The following NEMP1 variants were observed in gnomAD, a reference collection of about 807,000 sequenced individuals.
NEMP1 encodes nuclear envelope integral membrane protein 1, also known as transmembrane protein 194.
In NEMP1, 29 loss-of-function variants were observed where a neutral mutation model predicts 53.7. That is an observed-to-expected ratio of 0.54 (90% confidence interval 0.40 to 0.74). NEMP1 has a LOEUF of 0.74. Ranked by LOEUF, NEMP1 falls within the 30% of genes least tolerant of loss-of-function variation. NEMP1 has a pLI of 0.00. For synonymous variants in NEMP1, 193 were observed against 192.9 expected, an observed-to-expected ratio of 1.00 and a Z score of 0.00; for missense variants, 477 against 528.6, an observed-to-expected ratio of 0.90 and a Z score of 0.96.
At chr12:57,065,985 T>G (rs2032054669) in intron 4 of NEMP1, among the ~76,000 whole-genome samples, 1 of 152,094 alleles carries the variant, frequency 6.6e-6, no homozygotes, top group South Asian at 2.1e-4. Context: ...CCGGGCATGG[T>G]GGCTCAAGCC....
At chr12:57,069,019 A>G (rs1445366765) in intron 4 of NEMP1, among the ~76,000 whole-genome samples, 1 of 152,160 alleles carries the variant, frequency 6.6e-6, no homozygotes, top group African/African-American at 2.4e-5. Context: ...TGATGGGCCA[A>G]CCTAATGTGG....
rs1397958103 is a variant in NEMP1 at position 57,058,552 on chromosome 12, A to G, written c.*1327T>C. On this transcript the variant is annotated 3_prime_UTR_variant, in exon 9 of 9. Coordinates refer to ENST00000300128, the MANE Select transcript of NEMP1 (RefSeq NM_001130963.2). ...GCTGGTTTATAAGGGGTACTTTGCAATGGCAAAAGAATCTGAAACTAATGC... is the reference window on the plus strand; with the variant it reads ...GCTGGTTTATAAGGGGTACTTTGCAGTGGCAAAAGAATCTGAAACTAATGC... 1 of 152,268 alleles carries G rather than the reference A, an allele frequency of 6.6e-6. No individual in the cohort carries two copies. Among genetic ancestry groups the G allele is most frequent in the African/African-American group, 2.4e-5 (1 of 41,476 alleles). 9.4% of individuals were successfully genotyped at this position (152,268 alleles called of 1,614,324 possible). A position where few individuals can be genotyped will look rare whatever the true frequency, so the allele number is the denominator to read the frequency against.
At chr12:57,063,025 A>G (rs1462619033) in intron 7 of NEMP1, 94 bp downstream of exon 7, 1 of 947,512 alleles carries the variant, frequency 1.1e-6, no homozygotes. Context: ...TTCATTAACA[A>G]AGAAGCTCCC....
chr12:57,070,866 G>A lies in NEMP1; in HGVS notation c.280C>T (p.Arg94Ter). Residue 94 changes from arginine to a stop codon, truncating the protein, a stop_gained, in exon 3 of 9, where the codon CGA becomes TGA. Transcript: ENST00000300128. LOFTEE classifies it high-confidence loss of function. ...QIRVNSSRLVRVTQVENEEKL... is the reference protein window; with the variant it reads ...QIRVNSSRLV ...TCCTCATTCTCCACCTGGGTGACTC[G>A]AACCAATCTGGAACTATTTACTCGG... 6.2e-7 allele frequency: 1 copy of A among 1,613,930 alleles called. No homozygotes were observed. The highest frequency in any genetic ancestry group is 8.5e-7 in the Non-Finnish European group (1 of 1,179,936).
chr12:57,087,382 A>G (rs1268098134), intron 1 of NEMP1, among the ~76,000 whole-genome samples: 2 of 116,576 alleles, frequency 1.7e-5, no homozygotes, highest in Non-Finnish European at 3.6e-5. Context: ...GGGCTGGGGG[A>G]GGGAGGGGGC....
intron 1 of NEMP1, among the ~76,000 whole-genome samples, chr12:57,075,040 G>A (rs1319014918): frequency 6.6e-6 from 1 of 151,812 alleles, no homozygotes; most frequent in Non-Finnish European, 1.5e-5. Flanking sequence ...AGTGAGCCGA[G>A]ATCGCGCCTC....
At position 57,072,848 on chromosome 12, in the gene NEMP1, T is replaced by G; in HGVS notation, c.192A>C (p.Gln64His). 1.2e-6 allele frequency: 2 copies of G among 1,613,818 alleles called. No homozygotes were observed. The highest frequency in any genetic ancestry group is 1.7e-6 in the Non-Finnish European group (2 of 1,179,854). The change falls in exon 2 of 9, where the codon CAA becomes CAC. Residue 64 changes from glutamine to histidine, a missense_variant. Transcript: ENST00000300128. Reference protein sequence around the residue: ...ESQVCEKRASQQFCYTNVLIP... With the variant: ...ESQVCEKRASHQFCYTNVLIP... ...TAAGCACATTTGTGTAACAGAATTG[T>G]TGGCTGGCACGCTTTTCACAAACTT...
Position 57,058,872 on chromosome 12 carries a change from T to C in NEMP1, c.*1007A>G, listed in dbSNP as rs1326218622. The C allele has an allele frequency of 1.3e-5, 2 of 152,188 alleles. No individual in the cohort carries two copies. The highest frequency in any genetic ancestry group is 2.9e-5 in the Non-Finnish European group (2 of 68,034). 9.4% of individuals were successfully genotyped at this position (152,188 alleles called of 1,614,324 possible). ...GAAGGGAAAGGAAAAGGAGACAGTTTCCTGATTTCATAGCAACTCAAAGAT... is the reference window on the plus strand; with the variant it reads ...GAAGGGAAAGGAAAAGGAGACAGTTCCCTGATTTCATAGCAACTCAAAGAT... On this transcript the variant is annotated 3_prime_UTR_variant, in exon 9 of 9. Transcript: ENST00000300128.
At chr12:57,087,821 C>T (rs1221667548) in intron 1 of NEMP1, 2 of 152,290 alleles carry the variant, frequency 1.3e-5, no homozygotes, top group African/African-American at 4.8e-5. Flanking sequence ...CACCTGTGGC[C>T]AGTCCGCTCG....
At chr12:57,085,672 A>T (rs1026214865) in intron 1 of NEMP1, among the ~76,000 whole-genome samples, 3 of 152,184 alleles carry the variant, frequency 2.0e-5, no homozygotes, top group Non-Finnish European at 4.4e-5. Flanking sequence ...ATTACTTTAT[A>T]CTTTTCTATT....
At chr12:57,087,314 G>A (rs914800765) in intron 1 of NEMP1, among the ~76,000 whole-genome samples, 72 of 150,380 alleles carry the variant, frequency 4.8e-4, no homozygotes, top group Non-Finnish European at 1.3e-4. Flanking sequence ...GGGTGGGAGG[G>A]AGGGGGGCGC....
chr12:57,086,112 T>G (rs1387513451), intron 1 of NEMP1, among the ~76,000 whole-genome samples: 1 of 152,154 alleles, frequency 6.6e-6, no homozygotes, highest in Non-Finnish European at 1.5e-5. Context: ...GAGCCAAACC[T>G]TGCTGAGTGA....
chr12:57,060,622 G>A (rs1350334064), intron 8 of NEMP1, 150 bp downstream of exon 8: 2 of 769,456 alleles, frequency 2.6e-6, no homozygotes, highest in Non-Finnish European at 2.1e-6. Flanking sequence ...TGCTTAATGT[G>A]TGATTATATA....
chr12:57,086,545 A>ACG (rs1216415317), intron 1 of NEMP1, among the ~76,000 whole-genome samples: 3 of 151,232 alleles, frequency 2.0e-5, no homozygotes, highest in Non-Finnish European at 4.4e-5. Flanking sequence ...CCCCACACAC[A>ACG]CACCTGTCTC....
chr12:57,060,991 T>C, intron 7 of NEMP1, 46 bp from the exon 8 acceptor site: 1 of 1,586,006 alleles, frequency 6.3e-7, no homozygotes, highest in Non-Finnish European at 8.6e-7. Flanking sequence ...CAGTAATCTA[T>C]ATCCATCCTT....
upstream of NEMP1, among the ~76,000 whole-genome samples, chr12:57,080,510 C>T (rs1427249916): frequency 2.7e-5 from 4 of 150,152 alleles, no homozygotes; most frequent in East Asian, 2.0e-4. Context: ...ACCCAGGAGG[C>T]GGAGGCTGCA....
rs1380658185 is a variant in NEMP1 at position 57,056,557 on chromosome 12, A to G, written c.*3322T>C. ...GTCAGACTTGAGTCCAGAGAATACTAGAAGGACATTTAATTTCCTTTCCTC... is the reference window on the plus strand; with the variant it reads ...GTCAGACTTGAGTCCAGAGAATACTGGAAGGACATTTAATTTCCTTTCCTC... On this transcript the variant is annotated 3_prime_UTR_variant, in exon 9 of 9. Coordinates refer to ENST00000300128, the MANE Select transcript of NEMP1 (RefSeq NM_001130963.2). 1 of 152,218 alleles carries G rather than the reference A, an allele frequency of 6.6e-6. No individual in the cohort carries two copies. Among genetic ancestry groups the G allele is most frequent in the Non-Finnish European group, 1.5e-5 (1 of 68,028 alleles). 9.4% of individuals were successfully genotyped at this position (152,218 alleles called of 1,614,324 possible).
rs1205404843 is a variant in NEMP1 at position 57,059,189 on chromosome 12, T to C, written c.*690A>G. 2 of 152,206 alleles carry C rather than the reference T, an allele frequency of 1.3e-5. No homozygotes were observed. The highest frequency in any genetic ancestry group is 4.8e-5 in the African/African-American group (2 of 41,450). 9.4% of individuals were successfully genotyped at this position (152,206 alleles called of 1,614,324 possible). On this transcript the variant is annotated 3_prime_UTR_variant, in exon 9 of 9. Coordinates refer to ENST00000300128, the MANE Select transcript of NEMP1 (RefSeq NM_001130963.2). ...TCCTAAAGGCAAATAGGACTTTCTA[T>C]CATATGTATGAGAACTAAATCAAAG...
chr12:57,082,951 G>T (rs1167280674), upstream of NEMP1, among the ~76,000 whole-genome samples: 1 of 152,142 alleles, frequency 6.6e-6, no homozygotes, highest in East Asian at 1.9e-4. Flanking sequence ...AGCCTGGGAA[G>T]TCAAGACTGC....
Sources: gnomAD v4.1 joint callset for allele counts (sites outside exome capture counted in the v4.1 genomes callset) on GRCh38, gnomAD v4.1.1 for gene constraint, MANE v1.5 for transcripts, NCBI Gene and HGNC (gene_info 2026-07-23, HGNC 2026-07-21) for gene names.